RBFOX1: variants seen among roughly 807,000 people sequenced by gnomAD.
The protein encoded by RBFOX1 is RNA binding fox-1 homolog 1.
RBFOX1 carries 8 observed loss-of-function variants against 57.7 expected under a neutral mutation model. The observed-to-expected ratio is 0.14, with a 90% CI of 0.08 to 0.25. The LOEUF is 0.25. Ranked by LOEUF, RBFOX1 falls within the 10% of genes least tolerant of loss-of-function variation. The pLI is 1.00. For synonymous variants in RBFOX1, 326 were observed against 222.4 expected, an observed-to-expected ratio of 1.47 and a Z score of -4.15; for missense variants, 611 against 548.5, an observed-to-expected ratio of 1.11 and a Z score of -1.14.
intron 1 of RBFOX1, among the ~76,000 whole-genome samples, chr16:6,223,715 A>G (rs1474514409): frequency 2.0e-5 from 3 of 151,978 alleles, no homozygotes; most frequent in African/African-American, 7.3e-5. Context: ...ATTAGATCCC[A>G]TTTGTCAATT....
At chr16:6,711,421 A>G (rs1296119542) in intron 3 of RBFOX1, among the ~76,000 whole-genome samples, 2 of 152,026 alleles carry the variant, frequency 1.3e-5, no homozygotes, top group Non-Finnish European at 2.9e-5. Flanking sequence ...CTGTGTCCCC[A>G]CTCAAATCTC....
intron 3 of RBFOX1, among the ~76,000 whole-genome samples, chr16:6,837,156 C>G (rs1378309623): frequency 1.3e-5 from 2 of 152,200 alleles, no homozygotes; most frequent in Non-Finnish European, 2.9e-5. Context: ...TTCAGGAAAG[C>G]TGGTTTTCTG....
chr16:5,735,056 A>T (rs1030967006), intron 3 of RBFOX1, among the ~76,000 whole-genome samples: 7 of 152,236 alleles, frequency 4.6e-5, no homozygotes, highest in African/African-American at 1.7e-4. Context: ...CCACAGTGGT[A>T]GGAAGGAATG....
chr16:6,926,168 A>T (rs187740005), intron 3 of RBFOX1, among the ~76,000 whole-genome samples: 38 of 152,188 alleles, frequency 2.5e-4, no homozygotes, highest in African/African-American at 8.4e-4. Flanking sequence ...CTAGCTGGGC[A>T]TGGTGGTGTG....
chr16:6,247,907 G>T (rs1319197940), intron 1 of RBFOX1, among the ~76,000 whole-genome samples: 2 of 151,730 alleles, frequency 1.3e-5, no homozygotes, highest in Non-Finnish European at 3.0e-5. Flanking sequence ...TCTCCAAGAT[G>T]GCAGAACATT....
rs887366729 is a variant in RBFOX1, at chr16:6,895,639, T to C, written c.-15-156418T>C. Among the ~76,000 whole-genome samples the C allele has an allele frequency of 3.3e-5, 5 of 151,664 alleles. No homozygotes were observed. In the East Asian group the frequency reaches 7.8e-4, roughly 24 times the overall value. On this transcript the variant is annotated intron_variant, in intron 3 of 15. Coordinates refer to ENST00000550418, the MANE Select transcript of RBFOX1 (RefSeq NM_018723.4). ...AAAAAAATGGAGAGTCATAGATCCT[T>C]GACAATGCCAATGTTTTGTGGAAAG...
chr16:6,165,446 A>T (rs2096910147), intron 1 of RBFOX1, among the ~76,000 whole-genome samples: 3 of 152,216 alleles, frequency 2.0e-5, no homozygotes, highest in Admixed American at 2.0e-4. Context: ...AGAAAGCAGC[A>T]CCTAGGAAGG....
intron 2 of RBFOX1, among the ~76,000 whole-genome samples, chr16:6,557,678 G>A (rs1009169959): frequency 2.0e-5 from 3 of 152,122 alleles, no homozygotes; most frequent in Non-Finnish European, 4.4e-5. Context: ...TGCTCCTTTC[G>A]ACCAAGTATC....
chr16:7,332,505 T>G (rs2096711238), intron 4 of RBFOX1, among the ~76,000 whole-genome samples: 1 of 152,188 alleles, frequency 6.6e-6, no homozygotes, highest in East Asian at 1.9e-4. Context: ...TGGATTTGAA[T>G]TTTAACTCGG....
At chr16:5,826,674 G>T (rs1414361560) in intron 3 of RBFOX1, among the ~76,000 whole-genome samples, 2 of 152,160 alleles carry the variant, frequency 1.3e-5, no homozygotes, top group Non-Finnish European at 2.9e-5. Context: ...GTTACTAATA[G>T]TTATTAGATT....
chr16:7,514,615 T>A lies in RBFOX1; in HGVS notation c.28-3532T>A, dbSNP rs139572341. On this transcript the variant is annotated intron_variant, in intron 4 of 15. Transcript: ENST00000550418. ...GGAAAGCCTGCTGGAGGAGGGACTC[T>A]TGATGCGGACTGAAGGAAGAGTAAG... Among the ~76,000 whole-genome samples the A allele has an allele frequency of 2.1e-3, 317 of 152,158 alleles. 2 individuals carry two copies. The highest frequency in any genetic ancestry group is 4.0e-3 in the Non-Finnish European group (271 of 68,004).
intron 4 of RBFOX1, among the ~76,000 whole-genome samples, chr16:7,106,026 T>C (rs2063528584): frequency 6.6e-6 from 1 of 152,198 alleles, no homozygotes; most frequent in African/African-American, 2.4e-5. Context: ...CACAACTCTC[T>C]GGTGTTCATG....
intron 4 of RBFOX1, among the ~76,000 whole-genome samples, chr16:5,891,676 G>C (rs1184542523): frequency 6.6e-6 from 1 of 152,156 alleles, no homozygotes; most frequent in South Asian, 2.1e-4. Context: ...CCTAGGAAGA[G>C]CAGAGACTGG....
Position 7,430,554 on chromosome 16 carries a change from C to A in RBFOX1, c.28-87593C>A, listed in dbSNP as rs544548906. Among the ~76,000 whole-genome samples the A allele has an allele frequency of 1.7e-4, 26 of 151,336 alleles. No homozygotes were observed. The Middle Eastern group carries it at 0.01, about 61-fold the overall frequency. On this transcript the variant is annotated intron_variant, in intron 4 of 15. Coordinates refer to ENST00000550418, the MANE Select transcript of RBFOX1 (RefSeq NM_018723.4). ...GCACGTGCCTGTAGTCCCAGCTACT[C>A]GAGAGGCTGAGGCAGAAGAATTGCT...
intron 3 of RBFOX1, among the ~76,000 whole-genome samples, chr16:5,638,453 A>C (rs1361356235): frequency 6.6e-6 from 1 of 152,102 alleles, no homozygotes; most frequent in Non-Finnish European, 1.5e-5. Flanking sequence ...TGGTGTTTCT[A>C]GGGGCCTCCA....
chr16:6,129,598 G>GA (rs982434402), intron 1 of RBFOX1, among the ~76,000 whole-genome samples: 1 of 150,128 alleles, frequency 6.7e-6, no homozygotes, highest in African/African-American at 2.5e-5. Context: ...GAATAGGATA[G>GA]AAAAAACAGT....
chr16:6,964,435 T>C (rs1266054665), intron 3 of RBFOX1, among the ~76,000 whole-genome samples: 1 of 152,150 alleles, frequency 6.6e-6, no homozygotes, highest in African/African-American at 2.4e-5. Context: ...TGAACTTTAA[T>C]GGAAACTCTG....
chr16:7,042,665 C>A (rs991972269), intron 3 of RBFOX1, among the ~76,000 whole-genome samples: 7 of 152,184 alleles, frequency 4.6e-5, no homozygotes, highest in African/African-American at 1.4e-4. Flanking sequence ...GTGGCTTGCG[C>A]CTGTAATGCC....
intron 4 of RBFOX1, among the ~76,000 whole-genome samples, chr16:7,216,275 C>G (rs769257201): frequency 5.9e-5 from 9 of 152,186 alleles, no homozygotes; most frequent in Non-Finnish European, 1.2e-4. Context: ...TCCAGGTTCT[C>G]TCATTGACCA....
Sources: allele counts gnomAD v4.1 joint callset (sites outside exome capture counted in the v4.1 genomes callset), GRCh38; gene constraint gnomAD v4.1.1; transcripts MANE v1.5; gene names NCBI Gene and HGNC (gene_info 2026-07-23, HGNC 2026-07-21).